PHKA1: variants seen among roughly 807,000 people sequenced by gnomAD.
PHKA1 encodes the protein phosphorylase kinase regulatory subunit alpha 1, also known as phosphorylase b kinase regulatory subunit alpha, skeletal muscle isoform.
A neutral mutation model predicts 110.2 loss-of-function variants in PHKA1; 60 were observed. The ratio of observed to expected loss-of-function variants is 0.54; its 90% CI spans 0.44 to 0.68. PHKA1 has a LOEUF of 0.68. PHKA1 is among the 30% of genes least tolerant of loss of function. The pLI is 0.00. For synonymous variants in PHKA1, 316 were observed against 333.6 expected (o/e 0.95, Z 0.58); for missense variants, 801 against 942.5 (o/e 0.85, Z 1.97).
intron 23 of PHKA1, among the ~76,000 whole-genome samples, chrX:72,607,279 C>CT (rs2052742530): frequency 1.8e-5 from 2 of 111,536 alleles, no homozygotes; most frequent in South Asian, 7.6e-4. Context: ...CTATTTTTAG[C>CT]TTTTTTCAGG....
intron 16 of PHKA1, among the ~76,000 whole-genome samples, chrX:72,634,547 C>T (rs2053205886): frequency 1.0e-5 from 1 of 97,762 alleles, no homozygotes; most frequent in Non-Finnish European, 2.1e-5. Context: ...TTCAAGTAAG[C>T]AATGTCAGGA....
intron 4 of PHKA1, among the ~76,000 whole-genome samples, chrX:72,693,900 AC>A (rs1414400745): frequency 1.8e-5 from 2 of 111,896 alleles, no homozygotes; most frequent in Non-Finnish European, 3.8e-5. Flanking sequence ...ACACTCCCTC[AC>A]TGCTTTTACC....
At chrX:72,642,008 T>C (rs1430715330) in intron 14 of PHKA1, among the ~76,000 whole-genome samples, 1 of 111,988 alleles carries the variant, frequency 8.9e-6, no homozygotes, top group Non-Finnish European at 1.9e-5. Flanking sequence ...GCCTGGTACA[T>C]AATAAGTGAG....
At position 72,690,867 on chromosome X, in the gene PHKA1, A is replaced by G. The variant is rs1400909893; in HGVS notation, c.454+4841T>C. Among the ~76,000 whole-genome samples, 21 of 112,065 alleles carry G rather than the reference A, an allele frequency of 1.9e-4. No homozygotes were observed. The Admixed American group carries it at 2.0e-3, about 11-fold the overall frequency. ...ACTGCAACCTCCGCCTCCCGGGTTC[A>G]AGCGATTCTCCTGCCTCAGCCTCCT... On this transcript the variant is annotated intron_variant, in intron 4 of 31. Coordinates refer to ENST00000373542, the MANE Select transcript of PHKA1 (RefSeq NM_002637.4).
rs782756984 is a variant in PHKA1, at chrX:72,584,956, G to C, written c.3244-654C>G. Among the ~76,000 whole-genome samples the C allele has an allele frequency of 5.5e-4, 49 of 88,461 alleles. 1 individual carries two copies. Among genetic ancestry groups the C allele is most frequent in the Non-Finnish European group, 9.0e-4 (43 of 47,934 alleles). 76.8% of individuals were successfully genotyped at this position (88,461 alleles called of 115,157 possible). A position where few individuals can be genotyped will look rare whatever the true frequency, so the allele number is the denominator to read the frequency against. On this transcript the variant is annotated intron_variant, in intron 29 of 31. Transcript: ENST00000373542. ...GTGATGTTCCCCATCCTGTGTCCAA[G>C]TGTTCCCATTGTTCAATTCCCACCT...
chrX:72,705,573 T>G (rs1556332048), intron 2 of PHKA1, among the ~76,000 whole-genome samples: 1 of 112,061 alleles, frequency 8.9e-6, no homozygotes, highest in African/African-American at 3.2e-5. Flanking sequence ...TCTGAGGATA[T>G]TCTAAAATAC....
chrX:72,619,264 G>A lies in PHKA1; in HGVS notation c.2179C>T (p.Arg727Trp), dbSNP rs151279562. The stretch of plus-strand genomic sequence containing the variant: ...GAATCAAGTAAGTTGAATGAAGGCC[G>A]GGAAGCCTGAAATAACTTCGTAGGA... The part of the protein sequence containing the change: ...YLPTKLFQAS[R>W]PSFNLLDSPH... Residue 727 changes from arginine to tryptophan, a missense_variant, in exon 20 of 32, where the codon CGG (arginine) becomes TGG (tryptophan). By Grantham distance (101) the Arg-to-Trp change is moderately radical (BLOSUM62 -3). Around this residue, in one of 2 missense-constraint regions of PHKA1, gnomAD observed 502 missense variants for 519.2 expected, o/e 0.97. Transcript: ENST00000373542. 224 of 1,195,708 alleles carry A rather than the reference G, an allele frequency of 1.9e-4. No homozygotes were observed. The highest frequency in any genetic ancestry group is 2.2e-4 in the Non-Finnish European group (190 of 882,610).
At chrX:72,673,057 T>C (rs1213331645) in intron 6 of PHKA1, among the ~76,000 whole-genome samples, 2 of 111,463 alleles carry the variant, frequency 1.8e-5, no homozygotes, top group Non-Finnish European at 3.8e-5. Flanking sequence ...TAATATGTTA[T>C]CTTAGACTGG....
At chrX:72,648,364 C>G (rs2053386464) in intron 13 of PHKA1, among the ~76,000 whole-genome samples, 3 of 110,879 alleles carry the variant, frequency 2.7e-5, no homozygotes, top group Non-Finnish European at 3.8e-5. Flanking sequence ...TGACAAAGAT[C>G]AGAATATTGT....
intron 5 of PHKA1, among the ~76,000 whole-genome samples, chrX:72,678,928 G>A (rs782132182): frequency 7.6e-4 from 85 of 111,930 alleles, no homozygotes; most frequent in African/African-American, 2.3e-3. Context: ...AGGAAATGGC[G>A]CTAAGTACAG....
intron 12 of PHKA1, among the ~76,000 whole-genome samples, chrX:72,652,232 T>A (rs782423688): frequency 9.0e-6 from 1 of 111,693 alleles, no homozygotes; most frequent in South Asian, 3.8e-4. Context: ...TAAGCACAAA[T>A]GCATCTGTTA....
intron 4 of PHKA1, among the ~76,000 whole-genome samples, chrX:72,687,931 A>T (rs1337264024): frequency 1.9e-5 from 2 of 106,294 alleles, no homozygotes; most frequent in Non-Finnish European, 3.9e-5. Flanking sequence ...GGTTCATGTG[A>T]TTCTCCTGTC....
At chrX:72,687,751 ACAT>A (rs1444645173) in intron 4 of PHKA1, among the ~76,000 whole-genome samples, 2 of 111,179 alleles carry the variant, frequency 1.8e-5, no homozygotes, top group Non-Finnish European at 3.8e-5. Context: ...AGTCCGTTGC[ACAT>A]CATATGTGTT....
chrX:72,634,224 A>G (rs1473612124), intron 16 of PHKA1, among the ~76,000 whole-genome samples: 1 of 112,093 alleles, frequency 8.9e-6, no homozygotes, highest in Non-Finnish European at 1.9e-5. Flanking sequence ...CAAATATAGT[A>G]GTTTTTAAAT....
chrX:72,630,203 G>A (rs1254194283), intron 16 of PHKA1, among the ~76,000 whole-genome samples: 1 of 107,855 alleles, frequency 9.3e-6, no homozygotes, highest in African/African-American at 3.4e-5. Flanking sequence ...AGTGAGCTGA[G>A]ATTGTGCCAT....
At chrX:72,682,631 C>A (rs2053918164) in intron 5 of PHKA1, among the ~76,000 whole-genome samples, 1 of 104,847 alleles carries the variant, frequency 9.5e-6, no homozygotes, top group African/African-American at 3.4e-5. Context: ...TTACCCCCAA[C>A]CCTGTGCTCT....
At chrX:72,601,492 G>C (rs1012276043) in intron 28 of PHKA1, among the ~76,000 whole-genome samples, 1 of 111,197 alleles carries the variant, frequency 9.0e-6, no homozygotes, top group Non-Finnish European at 1.9e-5. Flanking sequence ...AGACAGGCCA[G>C]GGTGATTGGA....
chrX:72,634,438 C>T (rs2053203884), intron 16 of PHKA1, among the ~76,000 whole-genome samples: 1 of 110,425 alleles, frequency 9.1e-6, no homozygotes, highest in South Asian at 3.9e-4. Context: ...ACAAACAGGT[C>T]TTTGGAAGCA....
At chrX:72,645,464 G>C (rs1028142199) in intron 13 of PHKA1, among the ~76,000 whole-genome samples, 1 of 112,246 alleles carries the variant, frequency 8.9e-6, no homozygotes, top group Non-Finnish European at 1.9e-5. Flanking sequence ...GGAACCTCAT[G>C]CTAATGGGCT....
Sources: gnomAD v4.1 joint callset for allele counts (sites outside exome capture counted in the v4.1 genomes callset) on GRCh38, gnomAD v4.1.1 for gene constraint, gnomAD v4.1.1 regional missense constraint, MANE v1.5 for transcripts, NCBI Gene and HGNC (gene_info 2026-07-23, HGNC 2026-07-21) for gene names.